The following FOLH1 variants were observed in gnomAD, a reference collection of about 807,000 sequenced individuals.
FOLH1 encodes the protein folate hydrolase 1, also known as glutamate carboxypeptidase 2.
A neutral mutation model predicts 93.9 loss-of-function variants in FOLH1; 54 were observed. The ratio of observed to expected loss-of-function variants is 0.57; its 90% CI spans 0.46 to 0.72. FOLH1 has a LOEUF of 0.72. Among genes scored for constraint, FOLH1 ranks in the 30% least tolerant of loss-of-function variants. The probability of loss-of-function intolerance (pLI) is 0.00; values close to 1 mark genes in which losing one functional copy is unlikely to be tolerated. For missense variants in FOLH1, 571 were observed against 892.5 expected, an observed-to-expected ratio of 0.64 and a Z score of 4.59; for synonymous variants, 249 against 303.6, an observed-to-expected ratio of 0.82 and a Z score of 1.87.
At chr11:49,170,040 T>C (rs1348869444) in intron 11 of FOLH1, among the ~76,000 whole-genome samples, 2 of 149,060 alleles carry the variant, frequency 1.3e-5, no homozygotes, top group Non-Finnish European at 3.0e-5. Flanking sequence ...ACCATTTTTT[T>C]TTTCAAAGAA....
rs1414267569 is a variant in FOLH1, at chr11:49,186,682, C to A, written c.601G>T (p.Val201Leu). 1 of 1,613,030 alleles carries A rather than the reference C, an allele frequency of 6.2e-7. No homozygotes were observed. Among genetic ancestry groups the A allele is most frequent in the Non-Finnish European group, 8.5e-7 (1 of 1,179,566 alleles). The change falls in exon 5 of 19, where the codon GTA (valine) becomes TTA (leucine). Residue 201 changes from valine to leucine, a missense_variant. Val to Leu is a conservative substitution (Grantham distance 32). This residue lies in a region of FOLH1 where 500 missense variants were observed against 822.9 expected (regional missense o/e 0.61). Transcript: ENST00000256999. The part of the protein sequence containing the change: ...DMKINCSGKI[V>L]IARYGKVFRG... ...AAAACTTTCCCATATCTGGCAATTA[C>A]AATTTTCCCAGAGCAATTGATTTTC... is the stretch of plus-strand genomic sequence containing the variant.
intron 1 of FOLH1, chr11:49,207,839 G>T (rs868520277): frequency 4.4e-6 from 2 of 453,976 alleles, no homozygotes; most frequent in Admixed American, 2.4e-5. Context: ...CAAAAGACCC[G>T]CTGGTAAAGA....
intron 9 of FOLH1, among the ~76,000 whole-genome samples, chr11:49,173,852 A>G (rs1859675136): frequency 6.6e-6 from 1 of 152,162 alleles, no homozygotes; most frequent in Admixed American, 6.6e-5. Flanking sequence ...GAAGTTCTCC[A>G]ATTCCTATTC....
intron 15 of FOLH1, among the ~76,000 whole-genome samples, chr11:49,156,254 T>C (rs1857024649): frequency 6.6e-6 from 1 of 152,012 alleles, no homozygotes; most frequent in African/African-American, 2.4e-5. Context: ...CTAATATATA[T>C]ATCATTTTTC....
intron 7 of FOLH1, among the ~76,000 whole-genome samples, chr11:49,182,412 G>A (rs1484278213): frequency 2.0e-5 from 3 of 149,720 alleles, no homozygotes; most frequent in African/African-American, 7.4e-5. Flanking sequence ...GCCAGGTTAA[G>A]CAGAACAAAT....
At chr11:49,147,702 T>C (rs1024752463) in intron 18 of FOLH1, among the ~76,000 whole-genome samples, 4 of 151,970 alleles carry the variant, frequency 2.6e-5, no homozygotes, top group African/African-American at 7.2e-5. Flanking sequence ...GGTGGGAGGA[T>C]TGCTTGAGGC....
At chr11:49,161,393 CT>C (rs987840648) in intron 13 of FOLH1, among the ~76,000 whole-genome samples, 19 of 151,132 alleles carry the variant, frequency 1.3e-4, no homozygotes, top group African/African-American at 3.6e-4. Flanking sequence ...CCTTCTTTGT[CT>C]TTTTTTTTAT....
chr11:49,149,266 T>C (rs1186831105), intron 17 of FOLH1, among the ~76,000 whole-genome samples: 1 of 152,154 alleles, frequency 6.6e-6, no homozygotes, highest in South Asian at 2.1e-4. Context: ...TAAAAGTTAC[T>C]TAAAATTATA....
intron 13 of FOLH1, among the ~76,000 whole-genome samples, 166 bp downstream of exon 13, chr11:49,164,539 G>C (rs1266174479): frequency 6.6e-6 from 1 of 152,100 alleles, no homozygotes; most frequent in Admixed American, 6.5e-5. Context: ...GAGGCAATCT[G>C]TGTAAACAGT....
At chr11:49,187,788 G>T (rs1861584113) in intron 4 of FOLH1, among the ~76,000 whole-genome samples, 1 of 152,204 alleles carries the variant, frequency 6.6e-6, no homozygotes, top group East Asian at 1.9e-4. Context: ...TTCAAGGATT[G>T]CCTCAGCTGT....
At chr11:49,172,674 T>C (rs765315227) in intron 10 of FOLH1, among the ~76,000 whole-genome samples, 1 of 152,204 alleles carries the variant, frequency 6.6e-6, no homozygotes, top group African/African-American at 2.4e-5. Context: ...GATTACATTT[T>C]ACAGCCCCAG....
chr11:49,173,275 T>C, intron 10 of FOLH1, 82 bp downstream of exon 10: 1 of 1,352,676 alleles, frequency 7.4e-7, no homozygotes, highest in Non-Finnish European at 9.9e-7. Flanking sequence ...ATGGTTGAGG[T>C]AGTATTTTTA....
intron 17 of FOLH1, among the ~76,000 whole-genome samples, chr11:49,152,998 A>G (rs1856643804): frequency 6.6e-6 from 1 of 152,112 alleles, no homozygotes; most frequent in African/African-American, 2.4e-5. Context: ...TGTATCATTT[A>G]TTACTAATAT....
At chr11:49,149,189 G>A (rs376138378) in intron 17 of FOLH1, among the ~76,000 whole-genome samples, 3 of 152,040 alleles carry the variant, frequency 2.0e-5, no homozygotes, top group African/African-American at 7.2e-5. Context: ...GAATTAACAG[G>A]GTGAAAATGA....
At position 49,146,896 on chromosome 11, in the gene FOLH1, A is replaced by G; in HGVS notation, c.2113T>C (p.Phe705Leu). 2 of 1,613,310 alleles carry G rather than the reference A, an allele frequency of 1.2e-6. No homozygotes were observed. The highest frequency in any genetic ancestry group is 8.5e-7 in the Non-Finnish European group (1 of 1,179,516). The change falls in exon 19 of 19, where the codon TTC becomes CTC. Residue 705 changes from phenylalanine to leucine, a missense_variant. By Grantham distance (22) the Phe-to-Leu change is conservative. Around this residue, in one of 2 missense-constraint regions of FOLH1, gnomAD observed 500 missense variants for 822.9 expected, o/e 0.61. Coordinates refer to ENST00000256999, the MANE Select transcript of FOLH1 (RefSeq NM_004476.3). ...AACAGAGCATCATAAATTCCTGGGA[A>G]TGACTCCCCTGCATACTTGTTGTGG... ...SSHNKYAGES[F>L]PGIYDALFDI...
chr11:49,196,044 C>T (rs1377110283), intron 3 of FOLH1, among the ~76,000 whole-genome samples: 5 of 152,040 alleles, frequency 3.3e-5, no homozygotes, highest in Non-Finnish European at 7.4e-5. Flanking sequence ...GTCCCAGCTA[C>T]TTGGGAGGCT....
At chr11:49,192,178 A>C (rs1051463303) in intron 4 of FOLH1, among the ~76,000 whole-genome samples, 1 of 152,184 alleles carries the variant, frequency 6.6e-6, no homozygotes, top group Non-Finnish European at 1.5e-5. Context: ...CAATCTGATA[A>C]TATTAATACT....
Position 49,169,219 on chromosome 11 carries a change from T to C in FOLH1, c.1348A>G (p.Ile450Val). The C allele has an allele frequency of 6.2e-7, 1 of 1,613,342 alleles. No individual in the cohort carries two copies. The highest frequency in any genetic ancestry group is 8.5e-7 in the Non-Finnish European group (1 of 1,179,418). ...CCTTCTATAGATGAGTCAGCATTAA[T>C]ATAAGCCACGCCACGCTCTTGAAGG... ...RLLQERGVAY[I>V]NADSSIEGNY... Residue 450 changes from isoleucine (I) to valine (V), a missense_variant, in exon 12 of 19, where the codon ATT becomes GTT. By Grantham distance (29) the Ile-to-Val change is conservative. Transcript: ENST00000256999.
intron 2 of FOLH1, among the ~76,000 whole-genome samples, chr11:49,201,973 A>G (rs1863309402): frequency 6.6e-6 from 1 of 152,232 alleles, no homozygotes; most frequent in Admixed American, 6.5e-5. Context: ...CAGGGTTGGG[A>G]CTCACTCATT....
Sources: allele counts gnomAD v4.1 joint callset (sites outside exome capture counted in the v4.1 genomes callset), GRCh38; gene constraint gnomAD v4.1.1; regional missense constraint gnomAD v4.1.1; transcripts MANE v1.5; gene names NCBI Gene and HGNC (gene_info 2026-07-23, HGNC 2026-07-21).